The following LIMS1 variants were observed in gnomAD, a reference collection of about 807,000 sequenced individuals.
LIMS1 encodes the protein LIM and senescent cell antigen-like-containing domain protein 1.
LIMS1 carries 18 observed loss-of-function variants against 44.1 expected under a neutral mutation model. The observed-to-expected ratio is 0.41, with a 90% confidence interval of 0.28 to 0.61. LIMS1 has a LOEUF of 0.61. Among genes scored for constraint, LIMS1 ranks in the 20% least tolerant of loss-of-function variants. The probability of loss-of-function intolerance (pLI) is 0.32; values close to 1 mark genes in which losing one functional copy is unlikely to be tolerated. For synonymous variants in LIMS1, 93 were observed against 149.1 expected, an observed-to-expected ratio of 0.62 and a Z score of 2.74; for missense variants, 201 against 422.0, an observed-to-expected ratio of 0.48 and a Z score of 4.59.
chr2:108,605,214 T>C (rs1049400466), intron 1 of LIMS1, among the ~76,000 whole-genome samples: 1 of 152,174 alleles, frequency 6.6e-6, no homozygotes, highest in East Asian at 1.9e-4. Flanking sequence ...TAGAACCTGG[T>C]GTGAGCAGCA....
chr2:108,578,793 A>T (rs1184255878), intron 1 of LIMS1, among the ~76,000 whole-genome samples: 1 of 151,828 alleles, frequency 6.6e-6, no homozygotes, highest in Non-Finnish European at 1.5e-5. Flanking sequence ...ATGGGGTTTC[A>T]CTGTGTTAGC....
At chr2:108,643,741 G>A (rs542306669) in intron 1 of LIMS1, among the ~76,000 whole-genome samples, 34 of 152,274 alleles carry the variant, frequency 2.2e-4, no homozygotes, top group African/African-American at 7.7e-4. Flanking sequence ...CCACCCCCAC[G>A]GAGCCAAACA....
At chr2:108,667,735 C>G (rs918770903) in intron 2 of LIMS1, among the ~76,000 whole-genome samples, 1 of 151,510 alleles carries the variant, frequency 6.6e-6, no homozygotes, top group East Asian at 1.9e-4. Flanking sequence ...CCCTCCACCC[C>G]ACTCCCACCT....
intron 1 of LIMS1, among the ~76,000 whole-genome samples, chr2:108,534,916 C>G (rs993145397): frequency 6.6e-5 from 10 of 152,176 alleles, no homozygotes; most frequent in African/African-American, 2.4e-4. Flanking sequence ...ATCAGCGGGT[C>G]GCAGACGTCT....
intron 1 of LIMS1, among the ~76,000 whole-genome samples, chr2:108,559,503 A>G (rs1685040705): frequency 6.6e-6 from 1 of 152,204 alleles, no homozygotes; most frequent in Admixed American, 6.5e-5. Context: ...TAATTTTTAA[A>G]AACTATTACT....
At chr2:108,670,705 G>A (rs1652587670) in intron 2 of LIMS1, 76 bp from the exon 3 acceptor site, 2 of 1,539,452 alleles carry the variant, frequency 1.3e-6, no homozygotes, top group South Asian at 1.1e-5. Flanking sequence ...CATCTTTCCT[G>A]TATATCTTCA....
At chr2:108,647,079 A>G (rs1419871587) in intron 1 of LIMS1, among the ~76,000 whole-genome samples, 1 of 152,162 alleles carries the variant, frequency 6.6e-6, no homozygotes. Flanking sequence ...GAGAATAATA[A>G]AGAAGAAAAG....
intron 1 of LIMS1, among the ~76,000 whole-genome samples, chr2:108,604,860 C>T (rs951971937): frequency 6.6e-6 from 1 of 152,198 alleles, no homozygotes; most frequent in Non-Finnish European, 1.5e-5. Flanking sequence ...CAGGTAAGAG[C>T]AATTTACCTG....
intron 1 of LIMS1, among the ~76,000 whole-genome samples, chr2:108,623,541 T>G (rs1350438723): frequency 1.3e-5 from 2 of 152,208 alleles, no homozygotes; most frequent in Non-Finnish European, 2.9e-5. Flanking sequence ...GTTAATTCAT[T>G]GTTTAATTGT....
chr2:108,659,605 C>T, exon 2 of LIMS1: 1 of 1,611,700 alleles, frequency 6.2e-7, no homozygotes, highest in Non-Finnish European at 8.5e-7. Context: ...CGTGTTACAG[C>T]AACATGGCCA....
At chr2:108,599,199 C>G (rs1224883129) in intron 1 of LIMS1, among the ~76,000 whole-genome samples, 1 of 152,198 alleles carries the variant, frequency 6.6e-6, no homozygotes, top group Non-Finnish European at 1.5e-5. Context: ...CACTACCCTT[C>G]ACAGCCTCTG....
At position 108,674,504 on chromosome 2, in the gene LIMS1, C is replaced by T. The variant is rs2912863; in HGVS notation, c.531-1374C>T. Among the ~76,000 whole-genome samples, 298 of 151,508 alleles carry T rather than the reference C, an allele frequency of 2.0e-3. 3 individuals carry two copies. The highest frequency in any genetic ancestry group is 6.8e-3 in the African/African-American group (281 of 41,210). On this transcript the variant is annotated intron_variant, in intron 5 of 9. Coordinates refer to ENST00000544547, the Ensembl canonical transcript of LIMS1. ...TTGGGAGGCCGAGGCGGGTGGATCA[C>T]GAGGTCAGGAGATCGAGACCATCCT...
intron 8 of LIMS1, among the ~76,000 whole-genome samples, chr2:108,679,683 G>A (rs1425933084): frequency 2.6e-5 from 4 of 151,948 alleles, no homozygotes; most frequent in East Asian, 1.9e-4. Flanking sequence ...TAAGGAGGCC[G>A]AGACAGGAGA....
chr2:108,620,423 G>C (rs972962219), intron 1 of LIMS1, among the ~76,000 whole-genome samples: 1 of 152,180 alleles, frequency 6.6e-6, no homozygotes, highest in African/African-American at 2.4e-5. Flanking sequence ...TGTTCCCAGT[G>C]GGACTGAAGT....
chr2:108,594,015 T>C (rs1474955655), intron 1 of LIMS1, among the ~76,000 whole-genome samples: 1 of 152,198 alleles, frequency 6.6e-6, no homozygotes, highest in Non-Finnish European at 1.5e-5. Context: ...CAAAGCTCCC[T>C]TTAAATTCAG....
chr2:108,591,799 TTG>T (rs200774464), intron 1 of LIMS1, among the ~76,000 whole-genome samples: 3,574 of 51,386 alleles, frequency 0.07, 87 homozygotes, highest in East Asian at 0.41. Flanking sequence ...GTTTTTTTTT[TTG>T]TTTTTTTTTT....
chr2:108,610,224 T>G (rs1303248176), intron 1 of LIMS1, among the ~76,000 whole-genome samples: 3 of 151,678 alleles, frequency 2.0e-5, no homozygotes, highest in Non-Finnish European at 2.9e-5. Context: ...TTTTTTATTT[T>G]CTAAAAATAG....
At chr2:108,587,290 T>TTGTGTGTGTGTGTGTG (rs58815332) in intron 1 of LIMS1, among the ~76,000 whole-genome samples, 1 of 106,024 alleles carries the variant, frequency 9.4e-6, no homozygotes, top group African/African-American at 3.0e-5. Context: ...TTCTTGGGGT[T>TTGTGTGTGTGTGTGTG]TGTGTGTGTG....
intron 2 of LIMS1, chr2:108,660,243 T>G (rs2148969746): frequency 2.1e-6 from 1 of 470,424 alleles, no homozygotes; most frequent in East Asian, 6.9e-5. Context: ...GTCCATGCAT[T>G]TATTTTCTAA....
Sources: gnomAD v4.1 joint callset for allele counts (sites outside exome capture counted in the v4.1 genomes callset) on GRCh38, gnomAD v4.1.1 for gene constraint, MANE v1.5 for transcripts, NCBI Gene and HGNC (gene_info 2026-07-23, HGNC 2026-07-21) for gene names.